ASCC3: variants seen among roughly 807,000 people sequenced by gnomAD.
ASCC3 encodes ASC-1 complex subunit P200.
Under a neutral mutation model 256.3 loss-of-function variants are expected in ASCC3, and 158 were observed. That is an observed-to-expected ratio of 0.62 (90% CI 0.54 to 0.70). ASCC3 has a LOEUF of 0.70. ASCC3 is among the 30% of genes least tolerant of loss of function. The pLI, the probability that ASCC3 is intolerant of heterozygous loss-of-function variation, is 0.00. For synonymous variants in ASCC3, 948 were observed against 883.4 expected (o/e 1.07, Z -1.30); for missense variants, 2,259 against 2,626.0 (o/e 0.86, Z 3.05).
intron 25 of ASCC3, among the ~76,000 whole-genome samples, chr6:100,632,297 A>G (rs2114869001): frequency 6.6e-6 from 1 of 152,096 alleles, no homozygotes; most frequent in East Asian, 1.9e-4. Flanking sequence ...TGAAAACTAT[A>G]AAACATTGAA....
At chr6:100,841,169 C>T (rs143961835) in intron 4 of ASCC3, among the ~76,000 whole-genome samples, 12 of 152,108 alleles carry the variant, frequency 7.9e-5, no homozygotes, top group African/African-American at 2.7e-4. Flanking sequence ...CAGAAAAGAG[C>T]GGAACAAAAC....
intron 36 of ASCC3, among the ~76,000 whole-genome samples, chr6:100,582,141 A>T (rs1771317790): frequency 6.6e-6 from 1 of 151,846 alleles, no homozygotes; most frequent in East Asian, 1.9e-4. Flanking sequence ...TGGTAGCTTG[A>T]TGGGGATGGC....
intron 1 of ASCC3, among the ~76,000 whole-genome samples, chr6:100,875,756 A>G (rs903354598): frequency 6.6e-6 from 1 of 152,208 alleles, no homozygotes; most frequent in Non-Finnish European, 1.5e-5. Flanking sequence ...CACTGTACTC[A>G]GCCACTCTGC....
chr6:100,555,447 T>C (rs561788940), intron 36 of ASCC3, among the ~76,000 whole-genome samples: 5 of 152,100 alleles, frequency 3.3e-5, no homozygotes, highest in African/African-American at 9.7e-5. Flanking sequence ...AAAATAAATA[T>C]GAAGAAGAAA....
In ASCC3 at chr6:100,652,574, C is replaced by T. The variant is rs987464054; in HGVS notation, c.2988+151G>A. ...TTAGTATCTGAAGTTTTATTTTTTT[C>T]TTGTCTTTACTGAGGGTATACTGTT... On this transcript the variant is annotated intron_variant, in intron 18 of 41. Transcript: ENST00000369162. 1.1e-5 allele frequency: 9 copies of T among 804,998 alleles called. No individual in the cohort carries two copies. The African/African-American group carries it at 1.2e-4, about 11-fold the overall frequency. The allele number at this position is 804,998 out of a possible 1,614,324, so 49.9% of individuals were successfully genotyped here. A position where few individuals can be genotyped will look rare whatever the true frequency, so the allele number is the denominator to read the frequency against.
chr6:100,672,009 T>C (rs1174098151), intron 14 of ASCC3, among the ~76,000 whole-genome samples: 1 of 152,026 alleles, frequency 6.6e-6, no homozygotes, highest in Non-Finnish European at 1.5e-5. Flanking sequence ...ATGTGCATGT[T>C]TTTATGTCAG....
intron 13 of ASCC3, among the ~76,000 whole-genome samples, chr6:100,697,416 CAA>C (rs34378817): frequency 3.3e-5 from 5 of 150,746 alleles, no homozygotes; most frequent in South Asian, 4.2e-4. Context: ...CTGAGACACA[CAA>C]AAAAAAAGAG....
intron 8 of ASCC3, among the ~76,000 whole-genome samples, chr6:100,795,173 T>G (rs2114320284): frequency 6.6e-6 from 1 of 152,110 alleles, no homozygotes; most frequent in African/African-American, 2.4e-5. Context: ...GAGGTTTTTT[T>G]GTTTTCCTGG....
intron 8 of ASCC3, among the ~76,000 whole-genome samples, chr6:100,782,284 C>A (rs1472484385): frequency 1.3e-5 from 2 of 152,090 alleles, no homozygotes; most frequent in Non-Finnish European, 2.9e-5. Context: ...AAAGGAAATA[C>A]TAATGCATCA....
chr6:100,624,677 CAAT>C (rs1230882424), intron 30 of ASCC3, among the ~76,000 whole-genome samples: 1 of 151,658 alleles, frequency 6.6e-6, no homozygotes, highest in Non-Finnish European at 1.5e-5. Context: ...GAAAAATCTA[CAAT>C]AATAAGGATG....
intron 10 of ASCC3, among the ~76,000 whole-genome samples, chr6:100,727,401 T>A (rs958193507): frequency 6.6e-6 from 1 of 151,904 alleles, no homozygotes; most frequent in Non-Finnish European, 1.5e-5. Context: ...ATGAGAGAGA[T>A]CATAAAATCT....
chr6:100,639,097 T>C (rs879869253), intron 24 of ASCC3, among the ~76,000 whole-genome samples: 21 of 152,188 alleles, frequency 1.4e-4, no homozygotes, highest in Admixed American at 9.2e-4. Flanking sequence ...GGAAAGTCAT[T>C]TGAATAACAA....
At chr6:100,523,331 T>C (rs1774400360) in intron 37 of ASCC3, among the ~76,000 whole-genome samples, 1 of 152,122 alleles carries the variant, frequency 6.6e-6, no homozygotes, top group African/African-American at 2.4e-5. Flanking sequence ...ACTCATACTA[T>C]ATAGCTATTT....
intron 38 of ASCC3, among the ~76,000 whole-genome samples, chr6:100,516,572 G>A (rs1341501232): frequency 6.6e-6 from 1 of 152,176 alleles, no homozygotes; most frequent in Non-Finnish European, 1.5e-5. Context: ...AGGGTTCACA[G>A]ACATTGGGTG....
intron 1 of ASCC3, among the ~76,000 whole-genome samples, chr6:100,878,066 A>G (rs993653037): frequency 1.1e-4 from 17 of 152,282 alleles, no homozygotes; most frequent in African/African-American, 4.1e-4. Flanking sequence ...CTCAAAGGTA[A>G]TCTTAGCTAT....
chr6:100,823,156 C>A (rs9498400), intron 4 of ASCC3, among the ~76,000 whole-genome samples: 2,978 of 152,230 alleles, frequency 0.02, 91 homozygotes, highest in African/African-American at 0.069. Flanking sequence ...AAAGAAATCC[C>A]AAAATTATGC....
intron 30 of ASCC3, among the ~76,000 whole-genome samples, chr6:100,619,954 G>A (rs1396898207): frequency 1.3e-5 from 2 of 152,076 alleles, no homozygotes; most frequent in African/African-American, 4.8e-5. Flanking sequence ...AGAGGGATGA[G>A]TGGATTTGGG....
chr6:100,577,019 T>G (rs1770905322), intron 36 of ASCC3, among the ~76,000 whole-genome samples: 2 of 149,276 alleles, frequency 1.3e-5, no homozygotes, highest in South Asian at 2.1e-4. Context: ...ATTAACAGAC[T>G]GCCACATTAA....
chr6:100,664,387 T>TA (rs1342062223), intron 14 of ASCC3, among the ~76,000 whole-genome samples: 1 of 152,104 alleles, frequency 6.6e-6, no homozygotes, highest in Non-Finnish European at 1.5e-5. Context: ...TAAAATTATC[T>TA]AAGAAAATAG....
Sources: allele counts gnomAD v4.1 joint callset (sites outside exome capture counted in the v4.1 genomes callset), GRCh38; gene constraint gnomAD v4.1.1; transcripts MANE v1.5; gene names NCBI Gene and HGNC (gene_info 2026-07-23, HGNC 2026-07-21).